B3GALT1: variants seen among roughly 807,000 people sequenced by gnomAD.
The protein encoded by B3GALT1 is UDP-Gal:betaGlcNAc beta 1,3-galactosyltransferase, polypeptide 1.
Under a neutral mutation model 23.2 loss-of-function variants are expected in B3GALT1, and 10 were observed. The observed-to-expected ratio is 0.43, with a 90% CI of 0.27 to 0.73. B3GALT1 has a LOEUF of 0.73. Ranked by LOEUF, B3GALT1 falls within the 30% of genes least tolerant of loss-of-function variation. The pLI is 0.21. For synonymous variants in B3GALT1, 156 were observed against 141.5 expected, an observed-to-expected ratio of 1.10 and a Z score of -0.73; for missense variants, 299 against 405.4, an observed-to-expected ratio of 0.74 and a Z score of 2.25.
At chr2:167,685,022 A>G (rs1271175422) in intron 3 of B3GALT1, among the ~76,000 whole-genome samples, 1 of 152,234 alleles carries the variant, frequency 6.6e-6, no homozygotes, top group Non-Finnish European at 1.5e-5. Flanking sequence ...GGAAATAAGG[A>G]TAATGTCACC....
At chr2:167,487,320 C>T (rs1401659619) in intron 1 of B3GALT1, among the ~76,000 whole-genome samples, 1 of 152,180 alleles carries the variant, frequency 6.6e-6, no homozygotes, top group Non-Finnish European at 1.5e-5. Context: ...AAATATAAAA[C>T]ATTCAACATC....
intron 1 of B3GALT1, among the ~76,000 whole-genome samples, chr2:167,347,545 T>C (rs1012137392): frequency 6.6e-6 from 1 of 152,202 alleles, no homozygotes; most frequent in African/African-American, 2.4e-5. Flanking sequence ...ATTTGTATTA[T>C]TTAAAATAAA....
At chr2:167,697,738 G>A (rs934199824) in intron 3 of B3GALT1, among the ~76,000 whole-genome samples, 1 of 152,144 alleles carries the variant, frequency 6.6e-6, no homozygotes, top group African/African-American at 2.4e-5. Context: ...TATCAGCCGA[G>A]AGATGCCACA....
At chr2:167,501,237 A>G (rs1699844044) in intron 2 of B3GALT1, among the ~76,000 whole-genome samples, 2 of 152,144 alleles carry the variant, frequency 1.3e-5, no homozygotes, top group Non-Finnish European at 2.9e-5. Context: ...ATTGATTTTT[A>G]TTAGTATGAT....
intron 1 of B3GALT1, among the ~76,000 whole-genome samples, chr2:167,413,245 A>C (rs1698419135): frequency 6.6e-6 from 1 of 152,066 alleles, no homozygotes; most frequent in Non-Finnish European, 1.5e-5. Context: ...TTGATCCTTT[A>C]GATTGTACTG....
intron 3 of B3GALT1, among the ~76,000 whole-genome samples, chr2:167,754,475 C>G (rs1687785367): frequency 6.6e-6 from 1 of 152,070 alleles, no homozygotes; most frequent in African/African-American, 2.4e-5. Flanking sequence ...TGCTGGTCAC[C>G]CTTGATTATA....
At chr2:167,456,768 G>A (rs887826026) in intron 1 of B3GALT1, among the ~76,000 whole-genome samples, 5 of 152,124 alleles carry the variant, frequency 3.3e-5, no homozygotes, top group African/African-American at 9.7e-5. Context: ...ATATGGGTGG[G>A]GGGCATGTGG....
At chr2:167,526,459 C>G (rs1182916672) in intron 2 of B3GALT1, among the ~76,000 whole-genome samples, 1 of 152,102 alleles carries the variant, frequency 6.6e-6, no homozygotes, top group African/African-American at 2.4e-5. Flanking sequence ...AAGAATATAA[C>G]CTTATCAACC....
rs190624973 is a variant in B3GALT1 at position 167,574,385 on chromosome 2, A to G, written c.-409-72524A>G. ...AGCATAAACATACCAGTAGTAGTCAACTAAAAATAAGACAAAGTAGGGACC... is the reference window on the plus strand; with the variant it reads ...AGCATAAACATACCAGTAGTAGTCAGCTAAAAATAAGACAAAGTAGGGACC... On this transcript the variant is annotated intron_variant, in intron 2 of 4. Transcript: ENST00000392690. Among the ~76,000 whole-genome samples, 167 of 151,864 alleles carry G rather than the reference A, an allele frequency of 1.1e-3. 1 individual carries two copies. The highest frequency in any genetic ancestry group is 3.7e-3 in the African/African-American group (152 of 41,546).
intron 1 of B3GALT1, among the ~76,000 whole-genome samples, chr2:167,457,276 G>A (rs745449522): frequency 3.3e-5 from 5 of 151,956 alleles, no homozygotes; most frequent in Non-Finnish European, 5.9e-5. Flanking sequence ...AGGTTCAAAC[G>A]ATTCTCCTGC....
intron 3 of B3GALT1, among the ~76,000 whole-genome samples, chr2:167,695,518 A>C (rs1015970676): frequency 6.6e-6 from 1 of 152,178 alleles, no homozygotes; most frequent in African/African-American, 2.4e-5. Context: ...CAGCCTTACC[A>C]GGGAAATCGC....
intron 4 of B3GALT1, among the ~76,000 whole-genome samples, chr2:167,866,026 T>C (rs1225016927): frequency 6.6e-6 from 1 of 152,108 alleles, no homozygotes; most frequent in East Asian, 1.9e-4. Context: ...CTAGTCCTGG[T>C]ACACACCATC....
chr2:167,565,069 G>A (rs372878189), intron 2 of B3GALT1, among the ~76,000 whole-genome samples: 23 of 152,216 alleles, frequency 1.5e-4, no homozygotes, highest in South Asian at 8.3e-4. Flanking sequence ...AGCCAAAAGA[G>A]CAAAGCTGGA....
At chr2:167,346,141 A>C (rs1048322398) in intron 1 of B3GALT1, among the ~76,000 whole-genome samples, 2 of 152,008 alleles carry the variant, frequency 1.3e-5, no homozygotes, top group South Asian at 4.1e-4. Flanking sequence ...TAGCAGTTTC[A>C]GTACGAAAAT....
At chr2:167,708,154 T>C (rs1686992556) in intron 3 of B3GALT1, among the ~76,000 whole-genome samples, 2 of 152,232 alleles carry the variant, frequency 1.3e-5, no homozygotes, top group Admixed American at 1.3e-4. Context: ...ATTTCTCTCC[T>C]TTCCTTGATT....
intron 1 of B3GALT1, among the ~76,000 whole-genome samples, chr2:167,464,410 G>A (rs1699313894): frequency 6.6e-6 from 1 of 152,108 alleles, no homozygotes; most frequent in African/African-American, 2.4e-5. Context: ...ATTGTTGTTT[G>A]CTACAGAAGA....
chr2:167,346,255 C>G (rs991207101), intron 1 of B3GALT1, among the ~76,000 whole-genome samples: 16 of 152,130 alleles, frequency 1.1e-4, no homozygotes, highest in African/African-American at 3.9e-4. Flanking sequence ...ATGCCCCACA[C>G]CCACTCTAGG....
chr2:167,687,501 AAAGAAG>A (rs1188980169), intron 3 of B3GALT1, among the ~76,000 whole-genome samples: 1 of 152,198 alleles, frequency 6.6e-6, no homozygotes, highest in African/African-American at 2.4e-5. Flanking sequence ...GGAGGAAAGA[AAAGAAG>A]AAGAGAAGAG....
At chr2:167,658,492 T>C (rs1685995638) in intron 3 of B3GALT1, among the ~76,000 whole-genome samples, 1 of 152,096 alleles carries the variant, frequency 6.6e-6, no homozygotes, top group African/African-American at 2.4e-5. Context: ...AGAGAAGAAC[T>C]ATTTGCTCCT....
Sources: allele counts gnomAD v4.1 joint callset (sites outside exome capture counted in the v4.1 genomes callset), GRCh38; gene constraint gnomAD v4.1.1; transcripts MANE v1.5; gene names NCBI Gene and HGNC (gene_info 2026-07-23, HGNC 2026-07-21).